The following PKHD1 variants were observed in gnomAD, a reference collection of about 807,000 sequenced individuals.
The protein encoded by PKHD1 is PKHD1 ciliary IPT domain containing fibrocystin/polyductin.
Under a neutral mutation model 412.0 loss-of-function variants are expected in PKHD1, and 291 were observed. The observed-to-expected ratio is 0.71, with a 90% CI of 0.64 to 0.78. The LOEUF is 0.78. Ranked by LOEUF, PKHD1 falls within the 30% of genes least tolerant of loss-of-function variation. PKHD1 has a pLI of 0.00. For missense variants in PKHD1, 4,825 were observed against 4,950.7 expected (o/e 0.97, Z 0.76); for synonymous variants, 1,777 against 1,821.5 (o/e 0.98, Z 0.62).
intron 2 of PKHD1, among the ~76,000 whole-genome samples, chr6:52,083,887 T>A (rs1348543147): frequency 6.6e-6 from 1 of 151,882 alleles, no homozygotes; most frequent in African/African-American, 2.4e-5. Flanking sequence ...ACTTCCCAAA[T>A]GAATACAAAA....
At chr6:51,868,260 T>C in intron 47 of PKHD1, 151 bp from the exon 48 acceptor site, 1 of 737,986 alleles carries the variant, frequency 1.4e-6, no homozygotes, top group South Asian at 1.6e-5. Flanking sequence ...CTGTGGGTGT[T>C]TTACAGTGAG....
intron 19 of PKHD1, 46 bp downstream of exon 19, chr6:52,055,541 C>T (rs764898267): frequency 3.1e-6 from 5 of 1,607,102 alleles, no homozygotes; most frequent in Admixed American, 3.3e-5. Flanking sequence ...GAGAGCAATA[C>T]CAATACCTAC....
rs571932918 is a variant in PKHD1, at chr6:51,681,796, G to A, written c.10157-21827C>T. ...AAATTTTATTGGAACACAGCTATAC[G>A]CATTTGTTTATGTATTGCCTATGGC... On this transcript the variant is annotated intron_variant, in intron 60 of 66. Coordinates refer to ENST00000371117, the MANE Select transcript of PKHD1 (RefSeq NM_138694.4). Among the ~76,000 whole-genome samples, 20 of 152,180 alleles carry A rather than the reference G, an allele frequency of 1.3e-4. 1 individual carries two copies. Among genetic ancestry groups the A allele is most frequent in the Admixed American group, 8.5e-4 (13 of 15,268 alleles).
At chr6:51,733,605 G>A (rs1783491296) in intron 60 of PKHD1, among the ~76,000 whole-genome samples, 1 of 151,360 alleles carries the variant, frequency 6.6e-6, no homozygotes, top group Non-Finnish European at 1.5e-5. Flanking sequence ...AAAAACATAA[G>A]CCAGTCTAAA....
At chr6:51,818,948 T>C (rs111830755) in intron 52 of PKHD1, among the ~76,000 whole-genome samples, 1 of 152,170 alleles carries the variant, frequency 6.6e-6, no homozygotes, top group Non-Finnish European at 1.5e-5. Flanking sequence ...AACTGACATA[T>C]CTATCAACCT....
intron 32 of PKHD1, 93 bp from the exon 33 acceptor site, chr6:52,023,037 A>G (rs576708114): frequency 5.2e-5 from 75 of 1,436,734 alleles, no homozygotes; most frequent in Non-Finnish European, 6.7e-5. Flanking sequence ...CTCACTACCC[A>G]TTCTTCTTTT....
chr6:51,622,335 C>A (rs1766730786), intron 66 of PKHD1: 1 of 152,182 alleles, frequency 6.6e-6, no homozygotes, highest in South Asian at 2.1e-4. Context: ...CCTCCCCCTA[C>A]CCTGTTCATA....
intron 35 of PKHD1, among the ~76,000 whole-genome samples, chr6:51,975,370 A>G (rs1794234907): frequency 6.6e-6 from 1 of 152,106 alleles, no homozygotes; most frequent in South Asian, 2.1e-4. Context: ...AGGGAATTGG[A>G]GAAAATATTT....
In PKHD1 at chr6:51,903,662, G is replaced by A; in HGVS notation, c.6931C>T (p.Leu2311Phe). 1 of 1,610,308 alleles carries A rather than the reference G, an allele frequency of 6.2e-7. No homozygotes were observed. Among genetic ancestry groups the A allele is most frequent in the African/African-American group, 1.3e-5 (1 of 74,806 alleles). ...GGTGTCAACATTTCAGGATTGGAGA[G>A]TCCCTCGGCACCAGAAACCTGGATG... Reference protein sequence around the residue: ...VIIQVSGAEGLSNPEMLTPSG... With the variant: ...VIIQVSGAEGFSNPEMLTPSG... The change falls in exon 43 of 67, where the codon CTC becomes TTC. Residue 2311 changes from leucine (L) to phenylalanine (F), a missense_variant. Transcript: ENST00000371117.
chr6:52,002,198 GT>G (rs200829610), intron 35 of PKHD1, among the ~76,000 whole-genome samples: 1 of 56,036 alleles, frequency 1.8e-5, no homozygotes, highest in Non-Finnish European at 6.6e-5. Context: ...GAACTTTTAG[GT>G]TTCTCCTACT....
rs770494581 is a variant in PKHD1, at chr6:52,062,654, C to T, written c.983G>A (p.Arg328Gln). 1.2e-5 allele frequency: 19 copies of T among 1,614,092 alleles called. No individual in the cohort carries two copies. The highest frequency in any genetic ancestry group is 5.0e-5 in the Admixed American group (3 of 60,026). ...VRLTTPQPGNRGLLFEVGDAV... is the reference protein window; with the variant it reads ...VRLTTPQPGNQGLLFEVGDAV... ...ATCTCCAACTTCAAAAAGAAGCCCTCGATTGCCTGTAAGACATGTAGATCG... is the reference window on the plus strand; with the variant it reads ...ATCTCCAACTTCAAAAAGAAGCCCTTGATTGCCTGTAAGACATGTAGATCG... Residue 328 changes from arginine to glutamine, a missense_variant, in exon 14 of 67, where the codon CGA becomes CAA. Physicochemically the swap from Arg to Gln is conservative, Grantham distance 43. Transcript: ENST00000371117.
chr6:52,067,179 A>G (rs1213848676), intron 11 of PKHD1, among the ~76,000 whole-genome samples: 1 of 152,230 alleles, frequency 6.6e-6, no homozygotes, highest in Non-Finnish European at 1.5e-5. Context: ...ATATGGAGGC[A>G]AAGATTGATC....
chr6:51,814,041 T>G (rs1262915829), intron 52 of PKHD1, among the ~76,000 whole-genome samples: 6 of 152,208 alleles, frequency 3.9e-5, no homozygotes, highest in Admixed American at 3.9e-4. Context: ...CCATGCAAAC[T>G]GCTGCTTTCC....
chr6:51,628,364 T>C (rs1455283643), intron 65 of PKHD1, among the ~76,000 whole-genome samples: 3 of 152,236 alleles, frequency 2.0e-5, no homozygotes, highest in South Asian at 2.1e-4. Context: ...TCACTTAGTT[T>C]AGTGTCCTCC....
intron 60 of PKHD1, among the ~76,000 whole-genome samples, chr6:51,680,207 G>A (rs541433451): frequency 4.6e-5 from 7 of 151,982 alleles, no homozygotes; most frequent in East Asian, 1.9e-4. Context: ...TTTTTTCCAC[G>A]ATGGCTTGAT....
chr6:51,657,502 AAGAG>A (rs929209980), intron 61 of PKHD1, among the ~76,000 whole-genome samples: 7 of 152,130 alleles, frequency 4.6e-5, no homozygotes, highest in Non-Finnish European at 1.0e-4. Context: ...GCTAAAGAAA[AAGAG>A]AGAGAGATAG....
intron 48 of PKHD1, among the ~76,000 whole-genome samples, chr6:51,856,968 G>A (rs1030384772): frequency 2.0e-5 from 3 of 152,152 alleles, no homozygotes; most frequent in Non-Finnish European, 4.4e-5. Context: ...TATATAGAAC[G>A]TATAAAAACG....
At chr6:51,716,935 A>G (rs921436320) in intron 60 of PKHD1, among the ~76,000 whole-genome samples, 1 of 152,120 alleles carries the variant, frequency 6.6e-6, no homozygotes. Context: ...AATAGCATTG[A>G]ACCCTTGACA....
intron 60 of PKHD1, among the ~76,000 whole-genome samples, chr6:51,664,752 C>CTAGTG (rs1773443659): frequency 6.6e-6 from 1 of 152,154 alleles, no homozygotes; most frequent in Admixed American, 6.6e-5. Flanking sequence ...TGCAAAGGAA[C>CTAGTG]TAGTGCAGTG....
Sources: allele counts gnomAD v4.1 joint callset (sites outside exome capture counted in the v4.1 genomes callset), GRCh38; gene constraint gnomAD v4.1.1; transcripts MANE v1.5; gene names NCBI Gene and HGNC (gene_info 2026-07-23, HGNC 2026-07-21).